Variants in ARID2 observed in about 807,000 individuals in gnomAD.
ARID2 encodes the protein AT-rich interaction domain 2, also known as AT-rich interactive domain-containing protein 2.
In ARID2, 32 loss-of-function variants were observed where a neutral mutation model predicts 184.6. That is an observed-to-expected ratio of 0.17 (90% CI 0.13 to 0.23). ARID2 has a LOEUF of 0.23. Among genes scored for constraint, ARID2 ranks in the 10% least tolerant of loss-of-function variants. The pLI is 1.00. For missense variants in ARID2, 1,696 were observed against 2,197.6 expected, an observed-to-expected ratio of 0.77 and a Z score of 4.56; for synonymous variants, 836 against 772.6, an observed-to-expected ratio of 1.08 and a Z score of -1.36.
Position 45,836,630 on chromosome 12 carries a change from C to G in ARID2, c.747C>G (p.Leu249=), listed in dbSNP as rs2138125486. 6.2e-7 allele frequency: 1 copy of G among 1,610,964 alleles called. No homozygotes were observed. Among genetic ancestry groups the G allele is most frequent in the Non-Finnish European group, 8.5e-7 (1 of 1,178,886 alleles). The change falls in exon 7 of 21, where the codon CTC becomes CTG. Residue 249 remains leucine, a synonymous_variant. Transcript: ENST00000334344. ...DIVDDNEVRD[L]ISDRNKSHEG... is the part of the protein sequence containing the mutation. ...TTGATGATAATGAAGTTCGTGACCT[C>G]ATTTCTGACAGAAACAAGTCTCATG... is the stretch of plus-strand genomic sequence containing the variant.
intron 16 of ARID2, among the ~76,000 whole-genome samples, chr12:45,877,224 G>C (rs1402144325): frequency 2.6e-5 from 4 of 152,096 alleles, no homozygotes; most frequent in Non-Finnish European, 5.9e-5. Context: ...CAGGAGGTGA[G>C]TGCCAGGCAA....
intron 3 of ARID2, among the ~76,000 whole-genome samples, chr12:45,733,632 G>A (rs923007169): frequency 6.6e-6 from 1 of 152,132 alleles, no homozygotes; most frequent in Admixed American, 6.5e-5. Context: ...ACATTCCCCT[G>A]TAAGTTTGCT....
intron 16 of ARID2, among the ~76,000 whole-genome samples, chr12:45,863,756 A>T (rs1254306336): frequency 6.6e-6 from 1 of 151,764 alleles, no homozygotes; most frequent in East Asian, 1.9e-4. Context: ...TATACATTTA[A>T]CCTGTTCTTA....
intron 20 of ARID2, among the ~76,000 whole-genome samples, chr12:45,899,784 C>T (rs1050971567): frequency 4.6e-5 from 6 of 130,688 alleles, no homozygotes; most frequent in Non-Finnish European, 1.0e-4. Flanking sequence ...CTTTACCCCC[C>T]CCTCCCACCT....
intron 16 of ARID2, among the ~76,000 whole-genome samples, chr12:45,861,549 T>A (rs1027828853): frequency 6.6e-6 from 1 of 151,890 alleles, no homozygotes; most frequent in Non-Finnish European, 1.5e-5. Flanking sequence ...CTTCAGTCAT[T>A]TTTTTAGAGG....
At chr12:45,879,210 C>T (rs965257995) in intron 16 of ARID2, among the ~76,000 whole-genome samples, 11 of 151,888 alleles carry the variant, frequency 7.2e-5, no homozygotes, top group African/African-American at 2.7e-4. Context: ...TTTTTTTCTC[C>T]TGTGTAAGAC....
rs140500006 is a variant in ARID2 at position 45,852,633 on chromosome 12, C to T, written c.4510C>T (p.Arg1504Trp). ...TTCTCCTGCCCTATCATCTGACGTT[C>T]GGTCTACAAATGGCACAGCAGAATG... ...SHSPALSSDV[R>W]STNGTAECKT... The change falls in exon 15 of 21, where the codon CGG (arginine) becomes TGG (tryptophan). Residue 1504 changes from arginine to tryptophan, a missense_variant. This residue lies in a region of ARID2 where 428 missense variants were observed against 409.1 expected (regional missense o/e 1.05). Transcript: ENST00000334344. The T allele has an allele frequency of 2.0e-4, 328 of 1,614,124 alleles. 1 individual carries two copies. The African/African-American group carries it at 3.3e-3, about 16-fold the overall frequency.
chr12:45,846,734 T>A, intron 11 of ARID2, 122 bp from the exon 12 acceptor site: 3 of 756,100 alleles, frequency 4.0e-6, no homozygotes, highest in Non-Finnish European at 6.4e-6. Context: ...TACTTTCATA[T>A]GTTTATACAC....
rs1011783303 is a variant in ARID2, at chr12:45,905,524, T to C, written c.*446T>C. On this transcript the variant is annotated 3_prime_UTR_variant, in exon 21 of 21. Transcript: ENST00000334344. ...AACCGTTTAAGCTGGTTTGAATAATTTAAAAAAGTTTCAGCACACCTATAC... is the reference window on the plus strand; with the variant it reads ...AACCGTTTAAGCTGGTTTGAATAATCTAAAAAAGTTTCAGCACACCTATAC... 2.1e-5 allele frequency: 5 copies of C among 233,370 alleles called. No individual in the cohort carries two copies. The Admixed American group carries it at 2.8e-4, about 13-fold the overall frequency. The allele number at this position is 233,370 out of a possible 1,614,324, so 14.5% of individuals were successfully genotyped here.
At chr12:45,757,539 C>T (rs1456914958) in intron 3 of ARID2, among the ~76,000 whole-genome samples, 1 of 152,102 alleles carries the variant, frequency 6.6e-6, no homozygotes, top group Admixed American at 6.6e-5. Context: ...AGCCCATTGC[C>T]CTTCTAGTTC....
At chr12:45,770,349 T>A (rs1941850316) in intron 3 of ARID2, among the ~76,000 whole-genome samples, 1 of 152,110 alleles carries the variant, frequency 6.6e-6, no homozygotes, top group Admixed American at 6.5e-5. Flanking sequence ...TGCCTTACAA[T>A]GACACAGGAT....
intron 3 of ARID2, among the ~76,000 whole-genome samples, chr12:45,745,994 T>G (rs1941348281): frequency 6.6e-6 from 1 of 152,212 alleles, no homozygotes; most frequent in Admixed American, 6.5e-5. Context: ...TAGTTGTTTT[T>G]TTTTTTAAAT....
rs571437017 is a variant in ARID2, at chr12:45,806,621, T to G, written c.285-4797T>G. 3.3e-5 allele frequency among the ~76,000 whole-genome samples: 5 copies of G among 152,292 alleles called. No homozygotes were observed. In the South Asian group the frequency reaches 1.0e-3, roughly 32 times the overall value. On this transcript the variant is annotated intron_variant, in intron 3 of 20. Coordinates refer to ENST00000334344, the MANE Select transcript of ARID2 (RefSeq NM_152641.4). ...TTGTACATTACCGATGTGATCTACATTGTCAAATTTACTCTTTAATGCTCT... is the reference window on the plus strand; with the variant it reads ...TTGTACATTACCGATGTGATCTACAGTGTCAAATTTACTCTTTAATGCTCT...
Position 45,729,745 on chromosome 12 carries a change from A to C in ARID2, c.-92A>C. 25 of 1,237,350 alleles carry C rather than the reference A, an allele frequency of 2.0e-5. No individual in the cohort carries two copies. Among genetic ancestry groups the C allele is most frequent in the Non-Finnish European group, 2.5e-5 (22 of 886,832 alleles). The allele number at this position is 1,237,350 out of a possible 1,614,324, so 76.6% of individuals were successfully genotyped here. ...GAGCCCCGCCGCCGCCGGCCGAGGA[A>C]TGGGCTCCGGGCTCTGGTAGGAAGC... On this transcript the variant is annotated 5_prime_UTR_variant, in exon 1 of 21. An upstream start codon of the reference 5' UTR is lost. Transcript: ENST00000334344.
At chr12:45,890,830 A>AT (rs1311712016) in intron 16 of ARID2, among the ~76,000 whole-genome samples, 2 of 152,126 alleles carry the variant, frequency 1.3e-5, no homozygotes, top group African/African-American at 4.8e-5. Flanking sequence ...TATGACAGCC[A>AT]TAAAAAGTCA....
chr12:45,894,601 T>TTC (rs1168986197), intron 20 of ARID2, among the ~76,000 whole-genome samples: 1 of 152,212 alleles, frequency 6.6e-6, no homozygotes, highest in Non-Finnish European at 1.5e-5. Flanking sequence ...GTTTTAAGAT[T>TTC]TCTCTAAGTG....
At chr12:45,830,814 G>A (rs905746277) in intron 6 of ARID2, among the ~76,000 whole-genome samples, 1 of 152,128 alleles carries the variant, frequency 6.6e-6, no homozygotes, top group Admixed American at 6.5e-5. Context: ...CTTTGACTTT[G>A]GGAAGCTCAG....
chr12:45,787,454 C>T (rs965323311), intron 3 of ARID2, among the ~76,000 whole-genome samples: 8 of 151,694 alleles, frequency 5.3e-5, no homozygotes, highest in Non-Finnish European at 8.8e-5. Flanking sequence ...AGGCTGGTCT[C>T]GAACTCCTGG....
At chr12:45,904,224 G>T in intron 20 of ARID2, 1 of 581,186 alleles carries the variant, frequency 1.7e-6, no homozygotes. Context: ...TTCACTTAAT[G>T]AAGACTAAGA....
Sources: allele counts gnomAD v4.1 joint callset (sites outside exome capture counted in the v4.1 genomes callset), GRCh38; gene constraint gnomAD v4.1.1; regional missense constraint gnomAD v4.1.1; transcripts MANE v1.5; gene names NCBI Gene and HGNC (gene_info 2026-07-23, HGNC 2026-07-21).